Variants in NKAIN2 observed in about 807,000 individuals in gnomAD.
NKAIN2 encodes the protein sodium/potassium transporting ATPase interacting 2.
NKAIN2 carries 14 observed loss-of-function variants against 32.6 expected under a neutral mutation model. The observed-to-expected ratio is 0.43, with a 90% CI of 0.28 to 0.67. The LOEUF is 0.67. Ranked by LOEUF, NKAIN2 falls within the 30% of genes least tolerant of loss-of-function variation. The pLI, the probability that NKAIN2 is intolerant of heterozygous loss-of-function variation, is 0.17. For synonymous variants in NKAIN2, 80 were observed against 87.2 expected, an observed-to-expected ratio of 0.92 and a Z score of 0.46; for missense variants, 198 against 258.3, an observed-to-expected ratio of 0.77 and a Z score of 1.60.
intron 3 of NKAIN2, among the ~76,000 whole-genome samples, chr6:124,415,140 A>G (rs1231304528): frequency 6.6e-6 from 1 of 152,202 alleles, no homozygotes; most frequent in African/African-American, 2.4e-5. Flanking sequence ...TCCAGACACT[A>G]TCCACCTGCA....
At chr6:124,122,941 C>T (rs1481289876) in intron 1 of NKAIN2, among the ~76,000 whole-genome samples, 2 of 152,056 alleles carry the variant, frequency 1.3e-5, no homozygotes, top group African/African-American at 4.8e-5. Context: ...ATTTAATACA[C>T]TTGCTTGTAG....
intron 3 of NKAIN2, among the ~76,000 whole-genome samples, chr6:124,387,668 A>G (rs9491150): frequency 0.1 from 15,573 of 152,132 alleles, 868 homozygotes; most frequent in African/African-American, 0.15. Flanking sequence ...AGCTAAATCT[A>G]TAGACTGATG....
intron 3 of NKAIN2, among the ~76,000 whole-genome samples, chr6:124,368,440 C>T (rs898323598): frequency 1.3e-5 from 2 of 152,100 alleles, no homozygotes; most frequent in Non-Finnish European, 2.9e-5. Context: ...ATTCCTAAAA[C>T]CTCTTTCAGA....
At chr6:123,820,786 C>A (rs548649398) in intron 1 of NKAIN2, among the ~76,000 whole-genome samples, 3 of 152,136 alleles carry the variant, frequency 2.0e-5, no homozygotes, top group African/African-American at 7.2e-5. Context: ...GCTATTTAGC[C>A]GTACCCCTCA....
At chr6:124,163,687 T>C (rs1464853383) in intron 1 of NKAIN2, among the ~76,000 whole-genome samples, 1 of 151,988 alleles carries the variant, frequency 6.6e-6, no homozygotes, top group Non-Finnish European at 1.5e-5. Flanking sequence ...TGAGGATTTA[T>C]TGCATTGAAA....
intron 1 of NKAIN2, among the ~76,000 whole-genome samples, chr6:124,215,882 C>G (rs1450460561): frequency 2.6e-5 from 4 of 152,144 alleles, no homozygotes; most frequent in African/African-American, 9.7e-5. Context: ...CTTTGGGAGA[C>G]TGAGGCGGGT....
intron 3 of NKAIN2, among the ~76,000 whole-genome samples, chr6:124,598,101 C>T (rs2114974602): frequency 6.6e-6 from 1 of 152,214 alleles, no homozygotes; most frequent in South Asian, 2.1e-4. Flanking sequence ...AGAAAAATTT[C>T]CTAGATGGAT....
chr6:124,704,508 T>TA (rs1002605003), intron 4 of NKAIN2, among the ~76,000 whole-genome samples: 1 of 151,060 alleles, frequency 6.6e-6, no homozygotes, highest in Admixed American at 6.6e-5. Context: ...ATAATAATAA[T>TA]AAAAAAACAT....
intron 1 of NKAIN2, among the ~76,000 whole-genome samples, chr6:124,136,114 G>A (rs374991907): frequency 7.9e-5 from 12 of 152,002 alleles, no homozygotes; most frequent in East Asian, 5.8e-4. Flanking sequence ...AGATAAATAC[G>A]ATTGATAAAC....
At chr6:123,871,426 G>T (rs1772868536) in intron 1 of NKAIN2, among the ~76,000 whole-genome samples, 1 of 152,126 alleles carries the variant, frequency 6.6e-6, no homozygotes, top group African/African-American at 2.4e-5. Flanking sequence ...GCCATAGTCT[G>T]ACCTGACTGC....
intron 1 of NKAIN2, among the ~76,000 whole-genome samples, chr6:124,221,357 G>A (rs984445790): frequency 1.4e-5 from 2 of 141,586 alleles, no homozygotes; most frequent in East Asian, 2.2e-4. Context: ...ATTGAACAAT[G>A]AGAACACATG....
At chr6:124,230,157 G>A (rs1792374851) in intron 1 of NKAIN2, among the ~76,000 whole-genome samples, 1 of 152,156 alleles carries the variant, frequency 6.6e-6, no homozygotes, top group Non-Finnish European at 1.5e-5. Context: ...GAGAGCTGGA[G>A]CAAAGGTCAC....
At chr6:124,513,945 G>A (rs553580228) in intron 3 of NKAIN2, among the ~76,000 whole-genome samples, 2 of 152,264 alleles carry the variant, frequency 1.3e-5, no homozygotes, top group South Asian at 4.1e-4. Flanking sequence ...GGGACTTTGA[G>A]GACGAAAATC....
chr6:124,515,302 TTCAGAATTA>T (rs1346531128), intron 3 of NKAIN2, among the ~76,000 whole-genome samples: 1 of 151,966 alleles, frequency 6.6e-6, no homozygotes, highest in Non-Finnish European at 1.5e-5. Context: ...GGCCAGAATG[TTCAGAATTA>T]AGTATTTACA....
intron 1 of NKAIN2, among the ~76,000 whole-genome samples, chr6:124,124,116 A>G (rs1370681058): frequency 6.6e-6 from 1 of 152,188 alleles, no homozygotes; most frequent in Admixed American, 6.6e-5. Flanking sequence ...CTACAAAATA[A>G]TGGTACCTAT....
intron 1 of NKAIN2, among the ~76,000 whole-genome samples, chr6:124,045,828 G>A (rs967857196): frequency 2.0e-5 from 3 of 151,952 alleles, no homozygotes; most frequent in African/African-American, 7.2e-5. Flanking sequence ...AATATCCAAT[G>A]TTTAACTTAA....
intron 4 of NKAIN2, among the ~76,000 whole-genome samples, chr6:124,735,705 C>G (rs192933373): frequency 6.6e-6 from 1 of 151,668 alleles, no homozygotes; most frequent in Non-Finnish European, 1.5e-5. Flanking sequence ...TCGTTGTTAT[C>G]GTATCTGTTA....
intron 1 of NKAIN2, among the ~76,000 whole-genome samples, chr6:123,941,289 A>G (rs1421834043): frequency 6.6e-6 from 1 of 151,520 alleles, no homozygotes; most frequent in Non-Finnish European, 1.5e-5. Context: ...TTTTTTTATT[A>G]GTGGAAGGGG....
chr6:123,963,258 T>G (rs1000845129), intron 1 of NKAIN2, among the ~76,000 whole-genome samples: 2 of 152,076 alleles, frequency 1.3e-5, no homozygotes, highest in Non-Finnish European at 2.9e-5. Context: ...TTTGGAGTGA[T>G]GAAATAAAAG....
Sources: allele counts gnomAD v4.1 joint callset (sites outside exome capture counted in the v4.1 genomes callset), GRCh38; gene constraint gnomAD v4.1.1; transcripts MANE v1.5; gene names NCBI Gene and HGNC (gene_info 2026-07-23, HGNC 2026-07-21).